The following TFCP2 variants were observed in gnomAD, a reference collection of about 807,000 sequenced individuals.
TFCP2 encodes transcription factor CP2.
TFCP2 carries 33 observed loss-of-function variants against 73.4 expected under a neutral mutation model. The ratio of observed to expected loss-of-function variants is 0.45; its 90% CI spans 0.34 to 0.60. TFCP2 has a LOEUF of 0.60. TFCP2 is among the 20% of genes least tolerant of loss of function. The pLI is 0.01. For synonymous variants in TFCP2, 193 were observed against 211.6 expected (o/e 0.91, Z 0.76); for missense variants, 352 against 604.0 (o/e 0.58, Z 4.37).
chr12:51,117,803 C>T (rs1028838204), intron 2 of TFCP2, 56 bp from the exon 3 acceptor site: 20 of 1,238,564 alleles, frequency 1.6e-5, no homozygotes, highest in South Asian at 7.9e-5. Flanking sequence ...TTGCTAGATT[C>T]GGAAAGAATA....
At chr12:51,103,236 T>C (rs1332888100) in intron 10 of TFCP2, among the ~76,000 whole-genome samples, 1 of 151,816 alleles carries the variant, frequency 6.6e-6, no homozygotes, top group Non-Finnish European at 1.5e-5. Flanking sequence ...TGAGCCGAGA[T>C]CATGCAACTG....
intron 1 of TFCP2, among the ~76,000 whole-genome samples, chr12:51,123,710 G>C (rs1286569839): frequency 1.3e-5 from 2 of 152,142 alleles, no homozygotes; most frequent in Non-Finnish European, 2.9e-5. Context: ...ACAGGCATGA[G>C]CCACTGTGCC....
At chr12:51,099,835 AAAG>A in intron 11 of TFCP2, 56 bp from the exon 12 acceptor site, 1 of 1,584,024 alleles carries the variant, frequency 6.3e-7, no homozygotes, top group Non-Finnish European at 8.6e-7. Flanking sequence ...AGCACAATAA[AAAG>A]AAGGGAGAAA....
intron 1 of TFCP2, among the ~76,000 whole-genome samples, chr12:51,151,825 T>C (rs1941434341): frequency 6.6e-6 from 1 of 152,182 alleles, no homozygotes; most frequent in Admixed American, 6.5e-5. Context: ...TCAAAATATA[T>C]AGTGATAGAA....
At chr12:51,155,299 G>C (rs1257088307) in intron 1 of TFCP2, among the ~76,000 whole-genome samples, 1 of 152,190 alleles carries the variant, frequency 6.6e-6, no homozygotes, top group Admixed American at 6.5e-5. Flanking sequence ...TCTAGTTGCA[G>C]ATGGCCTATC....
At chr12:51,153,604 C>A (rs565862964) in intron 1 of TFCP2, among the ~76,000 whole-genome samples, 2 of 152,084 alleles carry the variant, frequency 1.3e-5, no homozygotes, top group Non-Finnish European at 2.9e-5. Flanking sequence ...AACATTCTAT[C>A]ATTATGAATT....
rs1190833754 is a variant in TFCP2, at chr12:51,103,708, C to T, written c.1022G>A (p.Arg341His). Residue 341 changes from arginine to histidine, a missense_variant, in exon 10 of 15, where the codon CGT (arginine) becomes CAT (histidine). This residue lies in a region of TFCP2 where 194 missense variants were observed against 256.3 expected (regional missense o/e 0.76). Coordinates refer to ENST00000257915, the MANE Select transcript of TFCP2 (RefSeq NM_005653.5). ...GAAAAGCCTTGTGAATGTAGAAAAA[C>T]GATTTCGATGCAACCACTGCTGAGC... ...QEAQQWLHRNRFSTFTRLFTN... is the reference protein window; with the variant it reads ...QEAQQWLHRNHFSTFTRLFTN... 8.1e-6 allele frequency: 13 copies of T among 1,614,010 alleles called. No individual in the cohort carries two copies. Among genetic ancestry groups the T allele is most frequent in the South Asian group, 1.1e-5 (1 of 91,052 alleles).
chr12:51,143,053 G>A (rs1227372613), intron 1 of TFCP2, among the ~76,000 whole-genome samples: 1 of 151,788 alleles, frequency 6.6e-6, no homozygotes, highest in Non-Finnish European at 1.5e-5. Flanking sequence ...CTCCCTTGTG[G>A]CAACCCTCCC....
Position 51,164,553 on chromosome 12 carries a change from T to C in TFCP2, c.122+7748A>G, listed in dbSNP as rs1408233105. The stretch of plus-strand genomic sequence containing the variant: ...TGGAGGTTGCAGTGAGCTGAGATCA[T>C]GCCACTGCACTCCAGCCTGGGTGAC... On this transcript the variant is annotated intron_variant, in intron 1 of 14. Transcript: ENST00000257915. Among the ~76,000 whole-genome samples, 6 of 143,096 alleles carry C rather than the reference T, an allele frequency of 4.2e-5. No homozygotes were observed. In the Admixed American group the frequency reaches 4.4e-4, roughly 11 times the overall value. The allele number at this position is 143,096 out of a possible 152,430, so 93.9% of individuals were successfully genotyped here.
chr12:51,145,736 G>T (rs940609193), intron 1 of TFCP2, among the ~76,000 whole-genome samples: 2 of 151,664 alleles, frequency 1.3e-5, no homozygotes, highest in Non-Finnish European at 2.9e-5. Context: ...AACTGCCTGA[G>T]CCCAGGAGTT....
chr12:51,159,448 C>G (rs1941605582), intron 1 of TFCP2, among the ~76,000 whole-genome samples: 1 of 151,830 alleles, frequency 6.6e-6, no homozygotes. Context: ...AAGCGATTCT[C>G]ATGCCTCAGC....
chr12:51,150,605 A>G (rs984747059), intron 1 of TFCP2, among the ~76,000 whole-genome samples: 1 of 152,182 alleles, frequency 6.6e-6, no homozygotes, highest in African/African-American at 2.4e-5. Context: ...ACCAACTCTG[A>G]GACAAAGAGA....
Position 51,172,596 on chromosome 12 carries a change from C to CG in TFCP2, c.-175dup. 1 of 790,028 alleles carries CG rather than the reference C, an allele frequency of 1.3e-6. No individual in the cohort carries two copies. The highest frequency in any genetic ancestry group is 3.0e-5 in the Admixed American group (1 of 32,944). 48.9% of individuals were successfully genotyped at this position (790,028 alleles called of 1,614,324 possible). ...ACTGCTCTGTGCACAACTAATCTCCCGTACCCTTGGCTGCTCGTTCTTGGC... is the reference window on the plus strand; with the variant it reads ...ACTGCTCTGTGCACAACTAATCTCCCGGTACCCTTGGCTGCTCGTTCTTGGC... On this transcript the variant is annotated 5_prime_UTR_variant, in exon 1 of 15. Transcript: ENST00000257915.
intron 1 of TFCP2, among the ~76,000 whole-genome samples, chr12:51,170,773 G>A (rs768052633): frequency 9.9e-5 from 15 of 151,664 alleles, no homozygotes; most frequent in Admixed American, 2.0e-4. Context: ...TCCGCCTCCC[G>A]GTTCAAGCAA....
intron 1 of TFCP2, among the ~76,000 whole-genome samples, chr12:51,156,345 G>GT (rs1228305170): frequency 2.0e-5 from 3 of 151,546 alleles, no homozygotes; most frequent in Non-Finnish European, 4.4e-5. Context: ...AGGAAGCAAG[G>GT]GGGGGGGAGG....
Position 51,098,910 on chromosome 12 carries a change from C to G in TFCP2, c.1285G>C (p.Ala429Pro). The stretch of plus-strand genomic sequence containing the variant: ...GCTGTTAGTTCTTCTAGATAGATAG[C>G]ATGGTAAACTGCAAAAGGGAGAGAG... The part of the protein sequence containing the change: ...DSNGTFFVYH[A>P]IYLEELTAVE... The change falls in exon 13 of 15, where the codon GCT becomes CCT. Residue 429 changes from alanine to proline, a missense_variant. Physicochemically the swap from Ala to Pro is conservative, Grantham distance 27. This residue lies in a region of TFCP2 where 194 missense variants were observed against 256.3 expected (regional missense o/e 0.76). Transcript: ENST00000257915. The G allele has an allele frequency of 1.2e-6, 2 of 1,614,038 alleles. No homozygotes were observed. Among genetic ancestry groups the G allele is most frequent in the South Asian group, 2.2e-5 (2 of 91,072 alleles).
At chr12:51,160,422 A>G (rs1206231822) in intron 1 of TFCP2, among the ~76,000 whole-genome samples, 1 of 151,736 alleles carries the variant, frequency 6.6e-6, no homozygotes, top group Admixed American at 6.6e-5. Flanking sequence ...GGCGTGAGCC[A>G]CCGCGCCCAG....
At position 51,141,920 on chromosome 12, in the gene TFCP2, A is replaced by G. The variant is rs538500952; in HGVS notation, c.123-23148T>C. On this transcript the variant is annotated intron_variant, in intron 1 of 14. Transcript: ENST00000257915. ...GACTCTGTCTCAAAAAAAAAAAAAA[A>G]AAAACCAGGCACAGTGGCTCACGCC... Among the ~76,000 whole-genome samples, 168 of 149,228 alleles carry G rather than the reference A, an allele frequency of 1.1e-3. 1 individual carries two copies. The highest frequency in any genetic ancestry group is 4.0e-3 in the African/African-American group (162 of 40,664).
chr12:51,154,394 A>G, intron 1 of TFCP2, among the ~76,000 whole-genome samples: 1 of 152,346 alleles, frequency 6.6e-6, no homozygotes, highest in Middle Eastern at 3.4e-3. Context: ...AATATATGGT[A>G]ATAAATTATA....
Sources: allele counts gnomAD v4.1 joint callset (sites outside exome capture counted in the v4.1 genomes callset), GRCh38; gene constraint gnomAD v4.1.1; regional missense constraint gnomAD v4.1.1; transcripts MANE v1.5; gene names NCBI Gene and HGNC (gene_info 2026-07-23, HGNC 2026-07-21).